The following DNAH10 variants were observed in gnomAD, a reference collection of about 807,000 sequenced individuals.
The protein encoded by DNAH10 is axonemal beta dynein heavy chain 10.
In DNAH10, 348 loss-of-function variants were observed where a neutral mutation model predicts 506.6. The ratio of observed to expected loss-of-function variants is 0.69; its 90% CI spans 0.63 to 0.75. The LOEUF (loss-of-function observed/expected upper bound fraction) is 0.75. Among genes scored for constraint, DNAH10 ranks in the 30% least tolerant of loss-of-function variants. The probability of loss-of-function intolerance (pLI) is 0.00; values close to 1 mark genes in which losing one functional copy is unlikely to be tolerated. For synonymous variants in DNAH10, 2,059 were observed against 2,198.6 expected, an observed-to-expected ratio of 0.94 and a Z score of 1.78; for missense variants, 5,179 against 5,787.1, an observed-to-expected ratio of 0.89 and a Z score of 3.41.
At chr12:123,894,748 T>G in intron 54 of DNAH10, 25 bp downstream of exon 54, 1 of 1,593,878 alleles carries the variant, frequency 6.3e-7, no homozygotes, top group Non-Finnish European at 8.6e-7. Flanking sequence ...TTATGGGAAC[T>G]GCATTATTGA....
rs760761924 is a variant in DNAH10, at chr12:123,859,243, A to G, written c.6724A>G (p.Asn2242Asp). The change falls in exon 38 of 79, where the codon AAC (asparagine) becomes GAC (aspartate). Residue 2242 changes from asparagine to aspartate, a missense_variant. Coordinates refer to ENST00000673944, the MANE Select transcript of DNAH10 (RefSeq NM_001372106.1). ...CAGAGGGGGCAAGTCCGTCGTCATT[A>G]ACACTCTGTGTCAGGCCCAGACCAA... Reference protein sequence around the residue: ...PTRGGKSVVINTLCQAQTKLG... With the variant: ...PTRGGKSVVIDTLCQAQTKLG... 1 of 1,609,412 alleles carries G rather than the reference A, an allele frequency of 6.2e-7. No individual in the cohort carries two copies. Among genetic ancestry groups the G allele is most frequent in the Non-Finnish European group, 8.5e-7 (1 of 1,178,380 alleles).
At chr12:123,912,383 CGGGGGGGTCTGTCCTG>C (rs1954243383) in intron 59 of DNAH10, among the ~76,000 whole-genome samples, 1 of 23,762 alleles carries the variant, frequency 4.2e-5, no homozygotes, top group South Asian at 1.5e-3. Context: ...GGGTCTGTCC[CGGGGGGGTCTGTCCTG>C]GGGGGGGTCT....
At chr12:123,861,394 G>T (rs1951606852) in intron 39 of DNAH10, among the ~76,000 whole-genome samples, 1 of 152,230 alleles carries the variant, frequency 6.6e-6, no homozygotes, top group Non-Finnish European at 1.5e-5. Flanking sequence ...TACCGGGATT[G>T]TTCCCAGCTT....
Position 123,851,361 on chromosome 12 carries a change from C to CTTCCAGACTGGGGACCTAGGACGTGTT in DNAH10, c.6291+285_6291+286insTTCCAGACTGGGGACCTAGGACGTGTT, listed in dbSNP as rs1565993532. Among the ~76,000 whole-genome samples the CTTCCAGACTGGGGACCTAGGACGTGTT allele has an allele frequency of 5.1e-4, 70 of 138,122 alleles. 4 individuals carry two copies. Among genetic ancestry groups the CTTCCAGACTGGGGACCTAGGACGTGTT allele is most frequent in the African/African-American group, 1.6e-3 (56 of 34,220 alleles). The allele number at this position is 138,122 out of a possible 152,430, so 90.6% of individuals were successfully genotyped here. A position where few individuals can be genotyped will look rare whatever the true frequency, so the allele number is the denominator to read the frequency against. Reference sequence around the variant, plus strand: ...TCCAGACTGGGGACCTAGGATGTGTCAGCTCCATGTGGCTCTTCCAGACTG... The same window carrying CTTCCAGACTGGGGACCTAGGACGTGTT: ...TCCAGACTGGGGACCTAGGATGTGTCTTCCAGACTGGGGACCTAGGACGTGTTAGCTCCATGTGGCTCTTCCAGACTG... On this transcript the variant is annotated intron_variant, in intron 35 of 78. Coordinates refer to ENST00000673944, the MANE Select transcript of DNAH10 (RefSeq NM_001372106.1).
rs113992549 is a variant in DNAH10, at chr12:123,931,536, C to T, written c.12916+64C>T. The T allele has an allele frequency of 8.7e-6, 14 of 1,605,986 alleles. No individual in the cohort carries two copies. The African/African-American group carries it at 1.1e-4, about 12-fold the overall frequency. ...GGTTTTACGATTGCTTCTTGTAGCC[C>T]TCCCACGTTGCTGATGCCTTTCCCA... On this transcript the variant is annotated intron_variant, in intron 74 of 78. Transcript: ENST00000673944.
At chr12:123,857,323 ATATATGTACAG>A (rs1951435137) in intron 37 of DNAH10, 76 bp downstream of exon 37, 1 of 1,315,996 alleles carries the variant, frequency 7.6e-7, no homozygotes, top group African/African-American at 1.5e-5. Flanking sequence ...TTCTTTAAAA[ATATATGTACAG>A]TAAAATACGC....
At position 123,845,654 on chromosome 12, in the gene DNAH10, G is replaced by A. The variant is rs1469857184; in HGVS notation, c.5415G>A (p.Val1805=). The part of the protein sequence containing the change: ...QGMVVLAASQ[V]WWTWEVEDVF... Reference sequence around the variant, plus strand: ...TGGTGGTGCTGGCCGCTAGCCAGGTGTGGTGGACCTGGGAGGTGGAAGACG... The same window carrying A: ...TGGTGGTGCTGGCCGCTAGCCAGGTATGGTGGACCTGGGAGGTGGAAGACG... The change falls in exon 31 of 79, where the codon GTG becomes GTA. Residue 1805 remains valine (V), a synonymous_variant. Coordinates refer to ENST00000673944, the MANE Select transcript of DNAH10 (RefSeq NM_001372106.1). 2 of 1,613,652 alleles carry A rather than the reference G, an allele frequency of 1.2e-6. No homozygotes were observed. The highest frequency in any genetic ancestry group is 1.1e-5 in the South Asian group (1 of 91,082).
At chr12:123,829,688 C>G (rs888537835) in intron 25 of DNAH10, among the ~76,000 whole-genome samples, 10 of 152,036 alleles carry the variant, frequency 6.6e-5, no homozygotes, top group African/African-American at 2.4e-4. Flanking sequence ...GTAGGGCCTC[C>G]TTTCTGACCA....
chr12:123,767,570 G>T (rs78648333), intron 1 of DNAH10, 36 bp from the exon 2 acceptor site: 2 of 1,582,608 alleles, frequency 1.3e-6, no homozygotes, highest in African/African-American at 1.3e-5. Context: ...GAACAATTAC[G>T]TTTAATATTT....
intron 18 of DNAH10, among the ~76,000 whole-genome samples, chr12:123,805,914 C>T (rs1272505629): frequency 1.3e-5 from 2 of 151,652 alleles, no homozygotes; most frequent in Non-Finnish European, 1.5e-5. Flanking sequence ...GTAGCTGGGA[C>T]TACAGGCGCC....
chr12:123,845,685 C>A lies in DNAH10; in HGVS notation c.5446C>A (p.His1816Asn). 1 of 1,613,684 alleles carries A rather than the reference C, an allele frequency of 6.2e-7. No homozygotes were observed. Among genetic ancestry groups the A allele is most frequent in the Non-Finnish European group, 8.5e-7 (1 of 1,179,822 alleles). Residue 1816 changes from histidine to asparagine, a missense_variant, in exon 31 of 79, where the codon CAC becomes AAC. Coordinates refer to ENST00000673944, the MANE Select transcript of DNAH10 (RefSeq NM_001372106.1). ...WWTWEVEDVF[H>N]KAQKGEKQAM... ...GACCTGGGAGGTGGAAGACGTCTTC[C>A]ACAAAGCGCAAAAAGGGGAGAAGCA...
At chr12:123,819,532 A>G (rs548440797) in intron 23 of DNAH10, among the ~76,000 whole-genome samples, 281 of 152,102 alleles carry the variant, frequency 1.8e-3, no homozygotes, top group Middle Eastern at 6.8e-3. Context: ...TTTCTGCCGC[A>G]GCTCAGAAAT....
chr12:123,894,723 G>C lies in DNAH10; in HGVS notation c.9280G>C (p.Gly3094Arg). ...CCATGCGGTCGCAAAGTCCTTTCTA[G>C]GTAAGTCACAGCTGTTATGGGAACT... is the stretch of plus-strand genomic sequence containing the variant. Reference protein sequence around the residue: ...ALHAVAKSFLGYNPMIPAENI... With the variant: ...ALHAVAKSFLRYNPMIPAENI... Residue 3094 changes from glycine to arginine, a missense_variant and splice_region_variant, in exon 54 of 79, where the codon GGG becomes CGG. This residue lies in a region of DNAH10 where 4,844 missense variants were observed against 5,430.5 expected (regional missense o/e 0.89). Transcript: ENST00000673944. 2 of 1,613,550 alleles carry C rather than the reference G, an allele frequency of 1.2e-6. No individual in the cohort carries two copies. Among genetic ancestry groups the C allele is most frequent in the South Asian group, 2.2e-5 (2 of 91,074 alleles).
intron 51 of DNAH10, among the ~76,000 whole-genome samples, chr12:123,882,975 G>A (rs970756121): frequency 1.3e-5 from 2 of 151,862 alleles, no homozygotes; most frequent in Admixed American, 1.3e-4. Context: ...TGTGAATAGT[G>A]TGTGTGTCTA....
chr12:123,808,239 C>T (rs1449207410), intron 18 of DNAH10, among the ~76,000 whole-genome samples: 1 of 152,132 alleles, frequency 6.6e-6, no homozygotes, highest in Non-Finnish European at 1.5e-5. Context: ...CTGTGTTGCC[C>T]AGGCTGGTCT....
chr12:123,820,556 C>G (rs1428243688), intron 23 of DNAH10, 24 bp from the exon 24 acceptor site: 32 of 1,605,320 alleles, frequency 2.0e-5, no homozygotes, highest in Non-Finnish European at 2.6e-5. Flanking sequence ...TATTTATTCA[C>G]TCATCGGTGT....
chr12:123,835,487 G>C lies in DNAH10; in HGVS notation c.4861G>C (p.Glu1621Gln), dbSNP rs1268625951. The change falls in exon 28 of 79, where the codon GAG becomes CAG. Residue 1621 changes from glutamate (E) to glutamine (Q), a missense_variant. By Grantham distance (29) the Glu-to-Gln change is conservative. This residue lies in a region of DNAH10 where 4,844 missense variants were observed against 5,430.5 expected (regional missense o/e 0.89). Transcript: ENST00000673944. Reference sequence around the variant, plus strand: ...AGATATAAGATCACAACTTCCGGAAGAGGCAAAAAAGTTTGACAACATCGA... The same window carrying C: ...AGATATAAGATCACAACTTCCGGAACAGGCAAAAAAGTTTGACAACATCGA... ...GGDIRSQLPE[E>Q]AKKFDNIDKV... The C allele has an allele frequency of 1.2e-6, 2 of 1,608,262 alleles. No individual in the cohort carries two copies. The highest frequency in any genetic ancestry group is 2.2e-5 in the East Asian group (1 of 44,838).
intron 38 of DNAH10, among the ~76,000 whole-genome samples, chr12:123,860,147 AG>A (rs1340961407): frequency 1.3e-5 from 2 of 152,262 alleles, no homozygotes; most frequent in Admixed American, 6.5e-5. Flanking sequence ...GATTCCAGAA[AG>A]ACCTCCGTGG....
Position 123,801,438 on chromosome 12 carries a change from G to T in DNAH10, c.2614+6G>T. The T allele has an allele frequency of 2.5e-6, 4 of 1,611,188 alleles. No individual in the cohort carries two copies. Among genetic ancestry groups the T allele is most frequent in the Middle Eastern group, 1.7e-4 (1 of 6,056 alleles). On this transcript the variant is annotated splice_donor_region_variant and intron_variant, in intron 16 of 78. Coordinates refer to ENST00000673944, the MANE Select transcript of DNAH10 (RefSeq NM_001372106.1). Reference sequence around the variant, plus strand: ...GTTGAACTGGAACTCACTAGGTAACGTCATTCATCTATTGATTGCCTTTTA... The same window carrying T: ...GTTGAACTGGAACTCACTAGGTAACTTCATTCATCTATTGATTGCCTTTTA...
Sources: gnomAD v4.1 joint callset for allele counts (sites outside exome capture counted in the v4.1 genomes callset) on GRCh38, gnomAD v4.1.1 for gene constraint, gnomAD v4.1.1 regional missense constraint, MANE v1.5 for transcripts, NCBI Gene and HGNC (gene_info 2026-07-23, HGNC 2026-07-21) for gene names.